PKP1: variants seen among roughly 807,000 people sequenced by gnomAD.
The protein encoded by PKP1 is plakophilin 1.
PKP1 carries 27 observed loss-of-function variants against 76.4 expected under a neutral mutation model. That is an observed-to-expected ratio of 0.35 (90% CI 0.26 to 0.49). PKP1 has a LOEUF of 0.49. Among genes scored for constraint, PKP1 ranks in the 20% least tolerant of loss-of-function variants. The pLI, the probability that PKP1 is intolerant of heterozygous loss-of-function variation, is 0.99. For missense variants in PKP1, 964 were observed against 955.2 expected (o/e 1.01, Z -0.12); for synonymous variants, 404 against 384.2 (o/e 1.05, Z -0.60).
chr1:201,329,174 A>C (rs941649533), intron 13 of PKP1, among the ~76,000 whole-genome samples: 2 of 152,208 alleles, frequency 1.3e-5, no homozygotes, highest in Non-Finnish European at 2.9e-5. Context: ...CATGGACTAC[A>C]GTGAGTTCTA....
In PKP1 at chr1:201,283,716, C is replaced by T. The variant is rs1417514113; in HGVS notation, c.14C>T (p.Pro5Leu). The T allele has an allele frequency of 3.1e-6, 5 of 1,613,860 alleles. No individual in the cohort carries two copies. The highest frequency in any genetic ancestry group is 1.6e-4 in the Middle Eastern group (1 of 6,062). Residue 5 changes from proline to leucine, a missense_variant, in exon 1 of 14, where the codon CCG becomes CTG. Pro to Leu is a moderately conservative substitution (Grantham distance 98, BLOSUM62 -3). Coordinates refer to ENST00000367324, the MANE Select transcript of PKP1 (RefSeq NM_001005337.3). Reference protein sequence around the residue: MNHSPLKTALAYECF... With the variant: MNHSLLKTALAYECF... Reference sequence around the variant, plus strand: ...CCTCCCGCCACCATGAACCACTCGCCGCTCAAGACCGCCTTGGCGTACGAA... The same window carrying T: ...CCTCCCGCCACCATGAACCACTCGCTGCTCAAGACCGCCTTGGCGTACGAA...
Position 201,332,660 on chromosome 1 carries a change from C to G in PKP1, c.*2619C>G, listed in dbSNP as rs1657368222. ...CAATGACAAATCCAGTCATTGGCCA[C>G]CAGCCACCTCTGCAGTGGGGACCAC... On this transcript the variant is annotated 3_prime_UTR_variant, in exon 14 of 14. Coordinates refer to ENST00000367324, the MANE Select transcript of PKP1 (RefSeq NM_001005337.3). 1.3e-5 allele frequency: 2 copies of G among 152,184 alleles called. No individual in the cohort carries two copies. The highest frequency in any genetic ancestry group is 4.8e-5 in the African/African-American group (2 of 41,420). 9.4% of individuals were successfully genotyped at this position (152,184 alleles called of 1,614,324 possible).
chr1:201,315,280 T>C (rs924428177), intron 3 of PKP1, among the ~76,000 whole-genome samples: 11 of 152,246 alleles, frequency 7.2e-5, no homozygotes, highest in Admixed American at 6.5e-4. Context: ...ATTCTCTCAA[T>C]GCAGGCAGCA....
intron 4 of PKP1, 30 bp from the exon 5 acceptor site, chr1:201,317,542 C>G: frequency 6.3e-7 from 1 of 1,587,116 alleles, no homozygotes; most frequent in East Asian, 2.2e-5. Flanking sequence ...TCTCCCTTGA[C>G]CAGGCAGCGT....
chr1:201,320,147 C>T (rs1400109808), intron 6 of PKP1, 120 bp from the exon 7 acceptor site: 5 of 732,084 alleles, frequency 6.8e-6, no homozygotes, highest in Non-Finnish European at 1.2e-5. Context: ...CTCCTCTCTG[C>T]CCTCCCCTCT....
intron 4 of PKP1, 52 bp downstream of exon 4, chr1:201,316,749 T>C (rs763821152): frequency 9.4e-6 from 15 of 1,604,078 alleles, no homozygotes; most frequent in Non-Finnish European, 1.3e-5. Context: ...GGCCTGGGTG[T>C]GTCAGCCTGA....
rs199657389 is a variant in PKP1 at position 201,322,156 on chromosome 1, G to A, written c.1503+23G>A. ...ATGGTGAGCACAGCATCAGCAGGGC[G>A]GGGCCTGCCCCATCAAGCACCCCCC... On this transcript the variant is annotated intron_variant, in intron 8 of 13. Transcript: ENST00000367324. The A allele has an allele frequency of 2.6e-5, 42 of 1,605,452 alleles. 2 individuals are homozygous for A. The South Asian group carries it at 3.4e-4, about 13-fold the overall frequency.
intron 2 of PKP1, among the ~76,000 whole-genome samples, chr1:201,307,750 T>A (rs1656412948): frequency 6.6e-6 from 1 of 152,134 alleles, no homozygotes; most frequent in Non-Finnish European, 1.5e-5. Context: ...ACTAGGCAAG[T>A]CGCAAATGGA....
intron 13 of PKP1, among the ~76,000 whole-genome samples, chr1:201,329,309 C>A (rs1273236813): frequency 1.3e-5 from 2 of 152,162 alleles, no homozygotes; most frequent in African/African-American, 4.8e-5. Context: ...AAGTTTATTT[C>A]CAGCTGATGA....
intron 1 of PKP1, among the ~76,000 whole-genome samples, chr1:201,286,142 C>T (rs16848224): frequency 0.059 from 8,962 of 152,280 alleles, 857 homozygotes; most frequent in African/African-American, 0.2. Flanking sequence ...CTCCCTCTTT[C>T]TTATGCTGGT....
At chr1:201,325,888 C>A in intron 12 of PKP1, 50 bp downstream of exon 12, 1 of 1,419,972 alleles carries the variant, frequency 7.0e-7, no homozygotes, top group Non-Finnish European at 9.9e-7. Flanking sequence ...TGCTCATGAG[C>A]AGAGGGCCTG....
At chr1:201,298,268 A>G (rs934288850) in intron 2 of PKP1, among the ~76,000 whole-genome samples, 10 of 152,234 alleles carry the variant, frequency 6.6e-5, no homozygotes, top group Non-Finnish European at 1.3e-4. Flanking sequence ...AGCTGGAGCC[A>G]TGGAAAGGCA....
intron 8 of PKP1, among the ~76,000 whole-genome samples, chr1:201,322,554 C>G (rs763985344): frequency 1.3e-5 from 2 of 152,174 alleles, no homozygotes; most frequent in Non-Finnish European, 2.9e-5. Context: ...AGAAGCCTAC[C>G]AGGGATGGGT....
At chr1:201,312,614 A>G (rs1656590379) in intron 2 of PKP1, among the ~76,000 whole-genome samples, 1 of 152,174 alleles carries the variant, frequency 6.6e-6, no homozygotes, top group Non-Finnish European at 1.5e-5. Flanking sequence ...ACCATTCGTC[A>G]TAAAGCCTGG....
chr1:201,284,772 G>A (rs906904342), intron 1 of PKP1, among the ~76,000 whole-genome samples: 1 of 152,174 alleles, frequency 6.6e-6, no homozygotes, highest in Non-Finnish European at 1.5e-5. Flanking sequence ...GGAATGGCAG[G>A]TTGGAAATCC....
intron 1 of PKP1, among the ~76,000 whole-genome samples, chr1:201,285,106 C>T (rs1655688194): frequency 1.3e-5 from 2 of 152,082 alleles, no homozygotes; most frequent in Admixed American, 1.3e-4. Context: ...TTACCCATTA[C>T]CAAACAGTAC....
chr1:201,320,273 G>A lies in PKP1; in HGVS notation c.1239G>A (p.Leu413=), dbSNP rs142220495. 97 of 1,610,964 alleles carry A rather than the reference G, an allele frequency of 6.0e-5. No homozygotes were observed. In the African/African-American group the frequency reaches 1.2e-3, roughly 19 times the overall value. The change falls in exon 7 of 14, where the codon CTG becomes CTA. Residue 413 remains leucine (L), a synonymous_variant. Coordinates refer to ENST00000367324, the MANE Select transcript of PKP1 (RefSeq NM_001005337.3). ...ACCCTCTTCTCTCCCCCAGGAACCT[G>A]AGCTCGGCCGATGCAGGCCGCCAGA... The part of the protein sequence containing the change: ...FFNATGCLRN[L]SSADAGRQTM...
At chr1:201,330,023 GTGGAAACATCTCAC>G (rs1335875036) in intron 13 of PKP1, 37 bp from the exon 14 acceptor site, 1 of 152,210 alleles carries the variant, frequency 6.6e-6, no homozygotes, top group African/African-American at 2.4e-5. Flanking sequence ...GGCTTGTGGT[GTGGAAACATCTCAC>G]TGTAAACACT....
At position 201,325,011 on chromosome 1, in the gene PKP1, C is replaced by G; in HGVS notation, c.1905C>G (p.Asp635Glu). The G allele has an allele frequency of 6.2e-7, 1 of 1,613,908 alleles. No homozygotes were observed. Among genetic ancestry groups the G allele is most frequent in the Non-Finnish European group, 8.5e-7 (1 of 1,180,022 alleles). The change falls in exon 11 of 14, where the codon GAC becomes GAG. Residue 635 changes from aspartate (D) to glutamate (E), a missense_variant. Coordinates refer to ENST00000367324, the MANE Select transcript of PKP1 (RefSeq NM_001005337.3). ...CTGGCAATACCAGCAACTCCGAAGA[C>G]ATCTTGTCCTCGGCCTGCTACACTG... The part of the protein sequence containing the change: ...SHTGNTSNSE[D>E]ILSSACYTVR...
Sources: allele counts gnomAD v4.1 joint callset (sites outside exome capture counted in the v4.1 genomes callset), GRCh38; gene constraint gnomAD v4.1.1; transcripts MANE v1.5; gene names NCBI Gene and HGNC (gene_info 2026-07-23, HGNC 2026-07-21).